GLUD1: variants seen among roughly 807,000 people sequenced by gnomAD.
GLUD1 encodes glutamate dehydrogenase 1.
Under a neutral mutation model 56.0 loss-of-function variants are expected in GLUD1, and 22 were observed. The ratio of observed to expected loss-of-function variants is 0.39; its 90% CI spans 0.28 to 0.56. The LOEUF is 0.56. Among genes scored for constraint, GLUD1 ranks in the 20% least tolerant of loss-of-function variants. GLUD1 has a pLI of 0.58. For missense variants in GLUD1, 451 were observed against 732.0 expected (o/e 0.62, Z 4.43); for synonymous variants, 223 against 269.9 (o/e 0.83, Z 1.70).
chr10:87,059,014 C>T, intron 10 of GLUD1, 136 bp downstream of exon 10: 2 of 1,043,616 alleles, frequency 1.9e-6, no homozygotes, highest in Non-Finnish European at 3.0e-6. Context: ...GTCTAAGTTT[C>T]ATGAGACAAA....
At chr10:87,063,221 G>A (rs1436039203) in intron 5 of GLUD1, among the ~76,000 whole-genome samples, 2 of 151,930 alleles carry the variant, frequency 1.3e-5, no homozygotes, top group Non-Finnish European at 2.9e-5. Context: ...TTCCAGGCAC[G>A]TGCCACCACG....
At chr10:87,060,308 G>A in intron 8 of GLUD1, 67 bp from the exon 9 acceptor site, 1 of 1,007,204 alleles carries the variant, frequency 9.9e-7, no homozygotes, top group East Asian at 2.4e-5. Context: ...CTGAGGGCAA[G>A]AGATGTGCAT....
At chr10:87,093,702 TTG>T (rs1188180107) in intron 1 of GLUD1, among the ~76,000 whole-genome samples, 3 of 152,232 alleles carry the variant, frequency 2.0e-5, no homozygotes, top group Non-Finnish European at 4.4e-5. Context: ...TGTGATTTTT[TTG>T]TGTTTTTCCT....
chr10:87,089,946 T>C (rs1474237257), intron 1 of GLUD1, among the ~76,000 whole-genome samples: 1 of 152,218 alleles, frequency 6.6e-6, no homozygotes, highest in Non-Finnish European at 1.5e-5. Flanking sequence ...ATTATGTGAA[T>C]CATGCATGTG....
chr10:87,080,085 G>A (rs1468676276), intron 1 of GLUD1, among the ~76,000 whole-genome samples: 1 of 151,798 alleles, frequency 6.6e-6, no homozygotes, highest in African/African-American at 2.4e-5. Context: ...TTGCAGGCGC[G>A]CGCCGCCACG....
intron 1 of GLUD1, among the ~76,000 whole-genome samples, chr10:87,090,728 G>T (rs1233971673): frequency 6.6e-6 from 1 of 152,206 alleles, no homozygotes; most frequent in Admixed American, 6.5e-5. Flanking sequence ...CACCTACAAA[G>T]GTTATATTTT....
chr10:87,053,275 T>G, intron 12 of GLUD1, 67 bp downstream of exon 12: 127 of 998,332 alleles, frequency 1.3e-4, no homozygotes, highest in Non-Finnish European at 1.9e-4. Flanking sequence ...GTCTGGCGGC[T>G]GAGATAGCAT....
rs113909023 is a variant in GLUD1 at position 87,060,035 on chromosome 10, C to T, written c.1278+126G>A. On this transcript the variant is annotated intron_variant, in intron 9 of 12. Transcript: ENST00000277865. ...TAACCATGCTTCTACTATATTTTCT[C>T]AAAAGTGAAAAAGATGAATTCACTA... 5.0e-3 allele frequency: 3,623 copies of T among 718,954 alleles called. 102 individuals carry two copies. In the African/African-American group the frequency reaches 0.056, roughly 11 times the overall value. The allele number at this position is 718,954 out of a possible 1,614,324, so 44.5% of individuals were successfully genotyped here. A position where few individuals can be genotyped will look rare whatever the true frequency, so the allele number is the denominator to read the frequency against.
intron 11 of GLUD1, among the ~76,000 whole-genome samples, chr10:87,056,085 C>A: frequency 8.1e-6 from 1 of 124,208 alleles, no homozygotes; most frequent in South Asian, 2.8e-4. Context: ...CACTGCACTC[C>A]AGCCTGGGTG....
At chr10:87,069,758 C>A (rs1026889349) in intron 4 of GLUD1, among the ~76,000 whole-genome samples, 1 of 152,104 alleles carries the variant, frequency 6.6e-6, no homozygotes, top group Non-Finnish European at 1.5e-5. Context: ...TCAAGGATCG[C>A]TTTTTATACC....
chr10:87,064,381 G>C (rs866787691), intron 5 of GLUD1, among the ~76,000 whole-genome samples: 14 of 152,210 alleles, frequency 9.2e-5, no homozygotes, highest in South Asian at 6.2e-4. Flanking sequence ...TGGAGCAGGA[G>C]AAACTAGAGA....
At chr10:87,059,747 T>G (rs1456752712) in intron 9 of GLUD1, among the ~76,000 whole-genome samples, 1 of 152,196 alleles carries the variant, frequency 6.6e-6, no homozygotes, top group Non-Finnish European at 1.5e-5. Context: ...TCTAGTAACT[T>G]TTTGGTGTAG....
At chr10:87,074,007 C>T (rs147573128) in intron 4 of GLUD1, among the ~76,000 whole-genome samples, 67 of 151,610 alleles carry the variant, frequency 4.4e-4, no homozygotes, top group African/African-American at 1.6e-3. Context: ...AAATTAGAAG[C>T]CTTCTAGATT....
intron 1 of GLUD1, among the ~76,000 whole-genome samples, chr10:87,080,351 A>G (rs1214315154): frequency 6.6e-6 from 1 of 151,452 alleles, no homozygotes; most frequent in African/African-American, 2.4e-5. Context: ...GCCTCTGCCC[A>G]GCCGCCACCC....
intron 1 of GLUD1, chr10:87,092,573 A>C: frequency 1.1e-6 from 1 of 930,194 alleles, no homozygotes; most frequent in South Asian, 4.9e-5. Context: ...CAAGAGAAAG[A>C]GGACTCACAA....
In GLUD1 at chr10:87,086,874, A is replaced by C. The variant is rs1217317658; in HGVS notation, c.445+7451T>G. 2.6e-5 allele frequency among the ~76,000 whole-genome samples: 4 copies of C among 151,648 alleles called. No homozygotes were observed. In the East Asian group the frequency reaches 5.8e-4, roughly 22 times the overall value. ...AAAGGAAAAAATTGTTTTTTCTCACACATTTCTGACACCAAATGTGTGGGT... is the reference window on the plus strand; with the variant it reads ...AAAGGAAAAAATTGTTTTTTCTCACCCATTTCTGACACCAAATGTGTGGGT... On this transcript the variant is annotated intron_variant, in intron 1 of 12. Transcript: ENST00000277865.
intron 11 of GLUD1, among the ~76,000 whole-genome samples, chr10:87,055,873 TG>T (rs767625052): frequency 7.9e-5 from 12 of 151,960 alleles, no homozygotes; most frequent in Non-Finnish European, 1.3e-4. Flanking sequence ...CCCAGCACTT[TG>T]GGAGGCCGAG....
chr10:87,061,492 A>G (rs755958112), intron 6 of GLUD1, among the ~76,000 whole-genome samples: 5 of 152,200 alleles, frequency 3.3e-5, no homozygotes, highest in Non-Finnish European at 7.3e-5. Context: ...CCTGGGCAAT[A>G]GGGTGAGACT....
At chr10:87,081,447 G>GC (rs1374888904) in intron 1 of GLUD1, among the ~76,000 whole-genome samples, 6 of 152,236 alleles carry the variant, frequency 3.9e-5, no homozygotes, top group African/African-American at 1.4e-4. Flanking sequence ...TGGGAGGTGT[G>GC]CCCAACAGCT....
Sources: gnomAD v4.1 joint callset for allele counts (sites outside exome capture counted in the v4.1 genomes callset) on GRCh38, gnomAD v4.1.1 for gene constraint, MANE v1.5 for transcripts, NCBI Gene and HGNC (gene_info 2026-07-23, HGNC 2026-07-21) for gene names.